Variants in FSHR observed in about 807,000 individuals in gnomAD.
FSHR encodes the protein follicle stimulating hormone receptor.
In FSHR, 46 loss-of-function variants were observed where a neutral mutation model predicts 52.1. That is an observed-to-expected ratio of 0.88 (90% CI 0.70 to 1.13). The LOEUF is 1.13. FSHR is among the 50% of genes most tolerant of loss of function. The pLI is 0.00. For synonymous variants in FSHR, 399 were observed against 309.6 expected, an observed-to-expected ratio of 1.29 and a Z score of -3.03; for missense variants, 964 against 834.6, an observed-to-expected ratio of 1.16 and a Z score of -1.91.
Position 49,127,815 on chromosome 2 carries a change from TTCTTCTTCTTCTTCC to T in FSHR, c.152+26436_152+26450del, listed in dbSNP as rs1558456479. On this transcript the variant is annotated intron_variant, in intron 1 of 9. Transcript: ENST00000406846. ...CTTCTTCTTCTTCTTCTTCTTCTTC[TTCTTCTTCTTCTTCC>T]TCTTCTTCTTCTTCTTCTTCTTCTT... 1.4e-3 allele frequency among the ~76,000 whole-genome samples: 83 copies of T among 60,932 alleles called. 1 individual carries two copies. The highest frequency in any genetic ancestry group is 2.2e-3 in the Admixed American group (9 of 4,062). 40.0% of individuals were successfully genotyped at this position (60,932 alleles called of 152,430 possible). A position where few individuals can be genotyped will look rare whatever the true frequency, so the allele number is the denominator to read the frequency against.
intron 4 of FSHR, among the ~76,000 whole-genome samples, chr2:48,991,282 A>T (rs1176224164): frequency 6.6e-6 from 1 of 152,212 alleles, no homozygotes; most frequent in Non-Finnish European, 1.5e-5. Flanking sequence ...GCTGTGGGTA[A>T]TATAGCTGAT....
At chr2:49,149,200 G>T (rs1672974347) in intron 1 of FSHR, among the ~76,000 whole-genome samples, 1 of 151,886 alleles carries the variant, frequency 6.6e-6, no homozygotes, top group Admixed American at 6.6e-5. Flanking sequence ...AGGAAGTTAG[G>T]AATGGTTTTT....
chr2:49,051,475 G>A (rs1447597301), intron 2 of FSHR, among the ~76,000 whole-genome samples: 6 of 151,944 alleles, frequency 3.9e-5, no homozygotes, highest in Non-Finnish European at 8.8e-5. Flanking sequence ...GCCGATTCGT[G>A]TATCTTTTTT....
At chr2:49,017,896 G>T (rs1667546487) in intron 3 of FSHR, among the ~76,000 whole-genome samples, 2 of 152,108 alleles carry the variant, frequency 1.3e-5, no homozygotes, top group African/African-American at 4.8e-5. Context: ...AGTAAGAATC[G>T]CCCAGGGTTG....
intron 2 of FSHR, among the ~76,000 whole-genome samples, chr2:49,053,056 G>C (rs551134980): frequency 1.3e-5 from 2 of 152,184 alleles, no homozygotes; most frequent in African/African-American, 4.8e-5. Context: ...CCAGTGATCT[G>C]GGGGTGGAGG....
At chr2:49,019,675 T>C (rs759581002) in intron 3 of FSHR, among the ~76,000 whole-genome samples, 21 of 152,220 alleles carry the variant, frequency 1.4e-4, no homozygotes, top group Non-Finnish European at 1.6e-4. Context: ...CAGATAGTTA[T>C]CTATCTTGGC....
chr2:49,084,308 A>G (rs981748530), intron 1 of FSHR, among the ~76,000 whole-genome samples: 2 of 152,142 alleles, frequency 1.3e-5, no homozygotes, highest in Non-Finnish European at 2.9e-5. Context: ...GAGAACAAAG[A>G]CACAACATAC....
intron 4 of FSHR, among the ~76,000 whole-genome samples, chr2:48,994,545 T>C (rs1488045584): frequency 1.3e-5 from 2 of 152,096 alleles, no homozygotes; most frequent in African/African-American, 2.4e-5. Flanking sequence ...TGAGACTCTC[T>C]ATAACCCCAA....
chr2:49,022,229 A>G lies in FSHR; in HGVS notation c.225-2069T>C, dbSNP rs550144565. Among the ~76,000 whole-genome samples, 156 of 152,232 alleles carry G rather than the reference A, an allele frequency of 1.0e-3. 1 individual carries two copies. Among genetic ancestry groups the G allele is most frequent in the Admixed American group, 3.2e-3 (49 of 15,292 alleles). On this transcript the variant is annotated intron_variant, in intron 2 of 9. Coordinates refer to ENST00000406846, the MANE Select transcript of FSHR (RefSeq NM_000145.4). Reference sequence around the variant, plus strand: ...GACATATGTCCTTGCCGAAGTTCACATATTGAGAATTCCCTTAACTGGATT... The same window carrying G: ...GACATATGTCCTTGCCGAAGTTCACGTATTGAGAATTCCCTTAACTGGATT...
At position 48,963,018 on chromosome 2, in the gene FSHR, G is replaced by A; in HGVS notation, c.1803C>T (p.Leu601=). 1 of 1,614,126 alleles carries A rather than the reference G, an allele frequency of 6.2e-7. No homozygotes were observed. Among genetic ancestry groups the A allele is most frequent in the African/African-American group, 1.3e-5 (1 of 75,036 alleles). The change falls in exon 10 of 10, where the codon CTC becomes CTT. Residue 601 remains leucine (L), a synonymous_variant. Transcript: ENST00000406846. ...FAISASLKVP[L]ITVSKAKILL... is the part of the protein sequence containing the mutation. ...GAATCTTTGCTTTGGACACAGTGATGAGGGGCACCTTGAGGGAGGCAGAAA... is the reference window on the plus strand; with the variant it reads ...GAATCTTTGCTTTGGACACAGTGATAAGGGGCACCTTGAGGGAGGCAGAAA...
intron 1 of FSHR, among the ~76,000 whole-genome samples, chr2:49,098,483 G>A (rs1373013129): frequency 6.6e-6 from 1 of 151,684 alleles, no homozygotes; most frequent in East Asian, 1.9e-4. Flanking sequence ...TGAAAGGGAG[G>A]AATGAAAAAA....
At chr2:49,133,643 G>T (rs746157851) in intron 1 of FSHR, among the ~76,000 whole-genome samples, 1 of 152,134 alleles carries the variant, frequency 6.6e-6, no homozygotes, top group Non-Finnish European at 1.5e-5. Context: ...AAAGCTGGAG[G>T]CATCACACTA....
chr2:48,964,805 G>C (rs1470320583), intron 9 of FSHR, among the ~76,000 whole-genome samples: 1 of 152,108 alleles, frequency 6.6e-6, no homozygotes, highest in Non-Finnish European at 1.5e-5. Context: ...ACAGGATAGA[G>C]GTACTTACAG....
intron 6 of FSHR, among the ~76,000 whole-genome samples, chr2:48,985,961 C>A (rs1339181125): frequency 6.6e-6 from 1 of 152,098 alleles, no homozygotes; most frequent in African/African-American, 2.4e-5. Context: ...GATCCACCCG[C>A]CTCGGCCTCC....
intron 4 of FSHR, among the ~76,000 whole-genome samples, chr2:49,016,572 C>G (rs1247418764): frequency 1.3e-5 from 2 of 152,120 alleles, no homozygotes; most frequent in African/African-American, 2.4e-5. Flanking sequence ...TGGCCAACAT[C>G]CAGTTGATCT....
At chr2:49,066,361 C>G (rs1302756527) in intron 2 of FSHR, among the ~76,000 whole-genome samples, 1 of 151,770 alleles carries the variant, frequency 6.6e-6, no homozygotes. Flanking sequence ...TGGAAGAACA[C>G]AAGTGAAGGA....
intron 1 of FSHR, among the ~76,000 whole-genome samples, chr2:49,148,934 G>T (rs1672964748): frequency 6.6e-6 from 1 of 151,958 alleles, no homozygotes; most frequent in Non-Finnish European, 1.5e-5. Context: ...GTTTTATGGA[G>T]AAAATAGAAT....
chr2:48,988,970 T>C lies in FSHR; in HGVS notation c.524+7A>G, dbSNP rs778831751. The C allele has an allele frequency of 1.1e-5, 17 of 1,611,272 alleles. No homozygotes were observed. Among genetic ancestry groups the C allele is most frequent in the Non-Finnish European group, 1.4e-5 (17 of 1,177,438 alleles). On this transcript the variant is annotated splice_region_variant and intron_variant, in intron 6 of 9. Coordinates refer to ENST00000406846, the MANE Select transcript of FSHR (RefSeq NM_000145.4). ...TTACTCTGTTGGATTTTTTCCCCCT[T>C]ACTTACAGAATCACACTTTCAAAGC...
intron 2 of FSHR, among the ~76,000 whole-genome samples, chr2:49,024,086 C>A (rs1667834729): frequency 6.6e-6 from 1 of 152,030 alleles, no homozygotes; most frequent in Non-Finnish European, 1.5e-5. Flanking sequence ...TTGACAAGTG[C>A]CGAACTGTTT....
Sources: gnomAD v4.1 joint callset for allele counts (sites outside exome capture counted in the v4.1 genomes callset) on GRCh38, gnomAD v4.1.1 for gene constraint, MANE v1.5 for transcripts, NCBI Gene and HGNC (gene_info 2026-07-23, HGNC 2026-07-21) for gene names.